Variants in WDPCP observed in about 807,000 individuals in gnomAD.
The protein encoded by WDPCP is WD repeat containing planar cell polarity effector.
In WDPCP, 71 loss-of-function variants were observed where a neutral mutation model predicts 93.1. The observed-to-expected ratio is 0.76, with a 90% CI of 0.63 to 0.93. WDPCP has a LOEUF of 0.93. Ranked by LOEUF, WDPCP falls within the 40% of genes least tolerant of loss-of-function variation. The probability of loss-of-function intolerance (pLI) is 0.00; values close to 1 mark genes in which losing one functional copy is unlikely to be tolerated. For synonymous variants in WDPCP, 315 were observed against 315.0 expected (o/e 1.00, Z 0.00); for missense variants, 844 against 887.4 (o/e 0.95, Z 0.62).
chr2:63,627,080 A>C (rs1709818301), intron 3 of WDPCP, among the ~76,000 whole-genome samples: 1 of 152,138 alleles, frequency 6.6e-6, no homozygotes, highest in Non-Finnish European at 1.5e-5. Context: ...TCCATTAATA[A>C]GTAATTTTTC....
At chr2:63,312,161 C>G (rs999277165) in intron 13 of WDPCP, among the ~76,000 whole-genome samples, 10 of 152,090 alleles carry the variant, frequency 6.6e-5, no homozygotes, top group South Asian at 2.1e-4. Flanking sequence ...AATGTTCACA[C>G]TTTTGAAATT....
At chr2:63,715,390 C>G (rs967829568) in intron 2 of WDPCP, among the ~76,000 whole-genome samples, 1 of 152,180 alleles carries the variant, frequency 6.6e-6, no homozygotes, top group Non-Finnish European at 1.5e-5. Context: ...CAGCCTTAGG[C>G]AAGAGGACTA....
At chr2:63,642,182 A>G (rs530479205) in intron 3 of WDPCP, among the ~76,000 whole-genome samples, 1 of 152,192 alleles carries the variant, frequency 6.6e-6, no homozygotes, top group Admixed American at 6.5e-5. Context: ...TGTTTACTAT[A>G]GCGCTGTAGT....
At chr2:63,820,004 C>G (rs1006989135) in intron 1 of WDPCP, among the ~76,000 whole-genome samples, 30 of 152,280 alleles carry the variant, frequency 2.0e-4, no homozygotes, top group African/African-American at 6.7e-4. Context: ...CAGTAAGGAA[C>G]TGTGGGAAGA....
intron 1 of WDPCP, among the ~76,000 whole-genome samples, chr2:63,551,657 C>A (rs1175034457): frequency 1.3e-5 from 2 of 152,186 alleles, no homozygotes; most frequent in Non-Finnish European, 2.9e-5. Context: ...TGGACTAATA[C>A]AGACTCCTAT....
chr2:63,456,199 T>C (rs903166387), intron 6 of WDPCP, among the ~76,000 whole-genome samples: 5 of 152,094 alleles, frequency 3.3e-5, no homozygotes, highest in Non-Finnish European at 7.4e-5. Flanking sequence ...GGGAGATCAC[T>C]TGAGGTCAGC....
At chr2:63,370,349 T>C (rs975868540) in intron 12 of WDPCP, among the ~76,000 whole-genome samples, 9 of 152,140 alleles carry the variant, frequency 5.9e-5, no homozygotes, top group Non-Finnish European at 1.3e-4. Context: ...ATTTCTCCTT[T>C]TGCCTTTTCA....
chr2:63,735,165 A>G (rs1486863494), intron 2 of WDPCP, among the ~76,000 whole-genome samples: 1 of 152,330 alleles, frequency 6.6e-6, no homozygotes, highest in Non-Finnish European at 1.5e-5. Flanking sequence ...ATGAATACAA[A>G]TATCTATAAT....
intron 2 of WDPCP, among the ~76,000 whole-genome samples, chr2:63,725,037 G>GT (rs919723677): frequency 4.6e-5 from 7 of 152,004 alleles, no homozygotes; most frequent in Non-Finnish European, 1.0e-4. Context: ...AAAGCAGCCA[G>GT]TTTTTTTTCT....
chr2:63,439,747 G>T lies in WDPCP; in HGVS notation c.499+10C>A, dbSNP rs549966020. ...ATGTAGGCAATTGATTTGCACATGG[G>T]GGTAATTACCATCACTGATGGTGTC... On this transcript the variant is annotated intron_variant, in intron 7 of 17. Coordinates refer to ENST00000272321, the MANE Select transcript of WDPCP (RefSeq NM_015910.7). The T allele has an allele frequency of 1.2e-6, 2 of 1,608,694 alleles. No individual in the cohort carries two copies. Among genetic ancestry groups the T allele is most frequent in the Non-Finnish European group, 1.7e-6 (2 of 1,175,356 alleles).
intron 3 of WDPCP, among the ~76,000 whole-genome samples, chr2:63,620,558 G>A (rs1709724302): frequency 1.3e-5 from 2 of 152,184 alleles, no homozygotes; most frequent in South Asian, 4.1e-4. Context: ...ATCTCCCTGG[G>A]ACAGAGCACC....
chr2:63,504,522 G>C lies in WDPCP; in HGVS notation c.76-11582C>G, dbSNP rs547896467. Among the ~76,000 whole-genome samples, 9 of 151,986 alleles carry C rather than the reference G, an allele frequency of 5.9e-5. 1 individual carries two copies. The South Asian group carries it at 1.9e-3, about 32-fold the overall frequency. On this transcript the variant is annotated intron_variant, in intron 1 of 17. Transcript: ENST00000272321. ...GGAAACTGAAATCTATGAGGGTAAA[G>C]TAATTTGCACAAATTCAATCATCTC...
intron 2 of WDPCP, among the ~76,000 whole-genome samples, chr2:63,779,582 G>T (rs1670357707): frequency 6.6e-6 from 1 of 152,142 alleles, no homozygotes. Context: ...CCTCTTTGGT[G>T]GGGAGGGGTG....
At chr2:63,338,016 G>C (rs1688513091) in intron 12 of WDPCP, among the ~76,000 whole-genome samples, 1 of 152,006 alleles carries the variant, frequency 6.6e-6, no homozygotes, top group Admixed American at 6.6e-5. Context: ...AATCTCATTT[G>C]TCTATTTTTG....
intron 3 of WDPCP, chr2:63,642,325 ATTG>A (rs967615640): frequency 4.6e-5 from 7 of 152,120 alleles, no homozygotes; most frequent in African/African-American, 1.7e-4. Context: ...ACATTTTAGA[ATTG>A]TTGTTTCTGT....
At position 63,174,660 on chromosome 2, in the gene WDPCP, C is replaced by T. The variant is rs1308144388; in HGVS notation, c.2078+10G>A. 1 of 1,613,764 alleles carries T rather than the reference C, an allele frequency of 6.2e-7. No individual in the cohort carries two copies. Among genetic ancestry groups the T allele is most frequent in the Non-Finnish European group, 8.5e-7 (1 of 1,179,790 alleles). On this transcript the variant is annotated intron_variant, in intron 15 of 17. Transcript: ENST00000272321. ...TTATGGAGCAATTTCCTCAGTTCAA[C>T]ATTTCTTACCTGTTAGAAGAGCCAT...
rs1700483053 is a variant in WDPCP, at chr2:63,485,001, C to T, written c.254-14G>A. 6.2e-7 allele frequency: 1 copy of T among 1,612,052 alleles called. No individual in the cohort carries two copies. Among genetic ancestry groups the T allele is most frequent in the African/African-American group, 1.3e-5 (1 of 74,776 alleles). On this transcript the variant is annotated splice_polypyrimidine_tract_variant and intron_variant, in intron 4 of 17. Coordinates refer to ENST00000272321, the MANE Select transcript of WDPCP (RefSeq NM_015910.7). Reference sequence around the variant, plus strand: ...GATAATCTCGTGCTGGCAAATAAAACATGTACTACAGTTAGTTAAACAAGA... The same window carrying T: ...GATAATCTCGTGCTGGCAAATAAAATATGTACTACAGTTAGTTAAACAAGA...
At chr2:63,651,454 A>AACACACACACACACAC (rs140128523) in intron 2 of WDPCP, among the ~76,000 whole-genome samples, 4 of 147,564 alleles carry the variant, frequency 2.7e-5, no homozygotes, top group African/African-American at 1.0e-4. Context: ...ATGTGTGTAC[A>AACACACACACACACAC]ACACACACAC....
chr2:63,668,458 A>G (rs933091319), intron 2 of WDPCP, among the ~76,000 whole-genome samples: 1 of 152,258 alleles, frequency 6.6e-6, no homozygotes. Flanking sequence ...CATTCAGAGT[A>G]TTCCTAACCC....
Sources: allele counts gnomAD v4.1 joint callset (sites outside exome capture counted in the v4.1 genomes callset), GRCh38; gene constraint gnomAD v4.1.1; transcripts MANE v1.5; gene names NCBI Gene and HGNC (gene_info 2026-07-23, HGNC 2026-07-21).